Variants in CSMD1 observed in about 807,000 individuals in gnomAD.
CSMD1 encodes CUB and Sushi multiple domains 1, also known as CUB and sushi domain-containing protein 1.
In CSMD1, 213 loss-of-function variants were observed where a neutral mutation model predicts 417.5. The ratio of observed to expected loss-of-function variants is 0.51; its 90% CI spans 0.46 to 0.57. The LOEUF is 0.57. Ranked by LOEUF, CSMD1 falls within the 20% of genes least tolerant of loss-of-function variation. The pLI, the probability that CSMD1 is intolerant of heterozygous loss-of-function variation, is 0.00. For missense variants in CSMD1, 6,923 were observed against 4,529.7 expected, an observed-to-expected ratio of 1.53 and a Z score of -15.17; for synonymous variants, 2,862 against 1,736.8, an observed-to-expected ratio of 1.65 and a Z score of -16.11.
intron 5 of CSMD1, among the ~76,000 whole-genome samples, chr8:3,848,576 G>A (rs1297403495): frequency 6.6e-6 from 1 of 152,122 alleles, no homozygotes. Flanking sequence ...GCTGCTCCTT[G>A]TAAATATGTA....
chr8:3,989,836 T>G (rs997953258), intron 5 of CSMD1, among the ~76,000 whole-genome samples: 3 of 152,190 alleles, frequency 2.0e-5, no homozygotes, highest in African/African-American at 7.2e-5. Context: ...CAACAAAATG[T>G]CACATTTTTT....
rs141874329 is a variant in CSMD1 at position 3,358,924 on chromosome 8, A to C, written c.3304+228T>G. On this transcript the variant is annotated intron_variant, in intron 21 of 69. Coordinates refer to ENST00000635120, the MANE Select transcript of CSMD1 (RefSeq NM_033225.6). ...ACATGCTTTGGTTTCACTCTTGTTCAATCATAAAATTTCAGAGCTGAAAGG... is the reference window on the plus strand; with the variant it reads ...ACATGCTTTGGTTTCACTCTTGTTCCATCATAAAATTTCAGAGCTGAAAGG... 1.4e-4 allele frequency among the ~76,000 whole-genome samples: 21 copies of C among 152,010 alleles called. 1 individual carries two copies. In the East Asian group the frequency reaches 4.1e-3, roughly 29 times the overall value.
At chr8:3,376,576 T>C (rs976537599) in intron 18 of CSMD1, among the ~76,000 whole-genome samples, 5 of 152,090 alleles carry the variant, frequency 3.3e-5, no homozygotes, top group Non-Finnish European at 5.9e-5. Flanking sequence ...AAATTCTTTT[T>C]TTGTTGTTAA....
At chr8:3,933,261 G>A (rs1489820697) in intron 5 of CSMD1, among the ~76,000 whole-genome samples, 1 of 152,102 alleles carries the variant, frequency 6.6e-6, no homozygotes, top group Admixed American at 6.6e-5. Flanking sequence ...GTGTTAAATT[G>A]ACTAATCTAA....
Position 3,066,764 on chromosome 8 carries a change from G to C in CSMD1, c.7475-14117C>G, listed in dbSNP as rs376801457. 5.9e-5 allele frequency among the ~76,000 whole-genome samples: 9 copies of C among 152,242 alleles called. No homozygotes were observed. In the South Asian group the frequency reaches 8.3e-4, roughly 14 times the overall value. On this transcript the variant is annotated intron_variant, in intron 49 of 69. Coordinates refer to ENST00000635120, the MANE Select transcript of CSMD1 (RefSeq NM_033225.6). ...TGCATGGTAATGGAAACTCCACGGAGAACAGAAAACTGAGCTACACAGAAA... is the reference window on the plus strand; with the variant it reads ...TGCATGGTAATGGAAACTCCACGGACAACAGAAAACTGAGCTACACAGAAA...
At chr8:4,318,066 G>C (rs115986585) in intron 3 of CSMD1, among the ~76,000 whole-genome samples, 5 of 152,194 alleles carry the variant, frequency 3.3e-5, no homozygotes, top group Non-Finnish European at 7.4e-5. Flanking sequence ...TTTTTCTCAC[G>C]TAAGTGTGAC....
intron 5 of CSMD1, among the ~76,000 whole-genome samples, chr8:3,781,363 T>C (rs545829709): frequency 6.6e-6 from 1 of 152,238 alleles, no homozygotes; most frequent in South Asian, 2.1e-4. Flanking sequence ...TAGGGTCAGG[T>C]CAAGCGCATT....
chr8:4,458,775 T>C (rs1034717673), intron 2 of CSMD1, among the ~76,000 whole-genome samples: 12 of 152,108 alleles, frequency 7.9e-5, no homozygotes, highest in African/African-American at 1.2e-4. Context: ...TTGAATAAGA[T>C]AACGGTTAGG....
rs566473947 is a variant in CSMD1 at position 3,893,268 on chromosome 8, TA to T, written c.818+104634del. On this transcript the variant is annotated intron_variant, in intron 5 of 69. Transcript: ENST00000635120. Reference sequence around the variant, plus strand: ...CTTATATTTGTAATATTTTAGCCTATAAAACAAGTAATTTGTGATTTCTTAT... The same window carrying T: ...CTTATATTTGTAATATTTTAGCCTATAAACAAGTAATTTGTGATTTCTTAT... Among the ~76,000 whole-genome samples, 353 of 147,724 alleles carry T rather than the reference TA, an allele frequency of 2.4e-3. 1 individual carries two copies. The highest frequency in any genetic ancestry group is 8.2e-3 in the African/African-American group (333 of 40,786).
chr8:4,249,861 T>A, intron 3 of CSMD1, among the ~76,000 whole-genome samples: 1 of 152,118 alleles, frequency 6.6e-6, no homozygotes, highest in Non-Finnish European at 1.5e-5. Flanking sequence ...ACCCCCGGAA[T>A]TCTTGAGTTG....
chr8:3,058,004 C>T (rs905655998), intron 49 of CSMD1, among the ~76,000 whole-genome samples: 3 of 152,250 alleles, frequency 2.0e-5, no homozygotes, highest in Non-Finnish European at 2.9e-5. Context: ...GCCGCCCAGT[C>T]GGCTTATTCT....
intron 3 of CSMD1, among the ~76,000 whole-genome samples, chr8:4,061,485 G>C (rs56203285): frequency 2.0e-5 from 3 of 152,276 alleles, no homozygotes; most frequent in South Asian, 2.1e-4. Context: ...GGCAAAAGGA[G>C]TTTAAATAAA....
At chr8:4,281,792 A>G (rs1463977330) in intron 3 of CSMD1, among the ~76,000 whole-genome samples, 2 of 152,212 alleles carry the variant, frequency 1.3e-5, no homozygotes, top group Non-Finnish European at 2.9e-5. Flanking sequence ...ACTGTATTAA[A>G]ACTTAATCTT....
At chr8:4,367,573 T>C (rs1269961827) in intron 3 of CSMD1, among the ~76,000 whole-genome samples, 1 of 152,266 alleles carries the variant, frequency 6.6e-6, no homozygotes, top group South Asian at 2.1e-4. Context: ...AATTTTAGAA[T>C]GGTTTTTCTT....
At chr8:4,933,255 A>T (rs1200652943) in intron 1 of CSMD1, among the ~76,000 whole-genome samples, 1 of 152,104 alleles carries the variant, frequency 6.6e-6, no homozygotes, top group African/African-American at 2.4e-5. Context: ...CGGCACTAGT[A>T]AATTTTAGAA....
At chr8:4,465,739 T>C (rs970147833) in intron 2 of CSMD1, among the ~76,000 whole-genome samples, 1 of 152,162 alleles carries the variant, frequency 6.6e-6, no homozygotes, top group Non-Finnish European at 1.5e-5. Context: ...TTGGAGGAAC[T>C]CTAGTTTGTA....
At chr8:4,612,218 C>T (rs1191274370) in intron 2 of CSMD1, among the ~76,000 whole-genome samples, 1 of 152,116 alleles carries the variant, frequency 6.6e-6, no homozygotes, top group African/African-American at 2.4e-5. Context: ...GCCTTCATCA[C>T]CTTTGTTTTC....
At chr8:3,990,441 T>C (rs1046776788) in intron 5 of CSMD1, among the ~76,000 whole-genome samples, 1 of 152,148 alleles carries the variant, frequency 6.6e-6, no homozygotes, top group South Asian at 2.1e-4. Context: ...TTCCTATTGG[T>C]CCCATCTTTA....
chr8:3,000,384 T>A (rs984150140), intron 52 of CSMD1, among the ~76,000 whole-genome samples: 5 of 151,998 alleles, frequency 3.3e-5, no homozygotes, highest in Non-Finnish European at 5.9e-5. Flanking sequence ...GATTTTCCCA[T>A]CTATCCATTT....
Sources: gnomAD v4.1 joint callset for allele counts (sites outside exome capture counted in the v4.1 genomes callset) on GRCh38, gnomAD v4.1.1 for gene constraint, MANE v1.5 for transcripts, NCBI Gene and HGNC (gene_info 2026-07-23, HGNC 2026-07-21) for gene names.